RNF111: variants seen among roughly 807,000 people sequenced by gnomAD.
RNF111 encodes the protein E3 ubiquitin-protein ligase Arkadia.
RNF111 carries 17 observed loss-of-function variants against 95.1 expected under a neutral mutation model. The observed-to-expected ratio is 0.18, with a 90% CI of 0.12 to 0.27. The LOEUF (loss-of-function observed/expected upper bound fraction) is 0.27. Among genes scored for constraint, RNF111 ranks in the 10% least tolerant of loss-of-function variants. RNF111 has a pLI of 1.00. For missense variants in RNF111, 1,189 were observed against 1,210.4 expected, an observed-to-expected ratio of 0.98 and a Z score of 0.26; for synonymous variants, 440 against 414.8, an observed-to-expected ratio of 1.06 and a Z score of -0.74.
At chr15:59,080,762 A>T (rs543385727) in intron 7 of RNF111, among the ~76,000 whole-genome samples, 174 bp from the exon 8 acceptor site, 1 of 152,300 alleles carries the variant, frequency 6.6e-6, no homozygotes, top group East Asian at 1.9e-4. Context: ...GATATCCAAG[A>T]TTATTGTAAG....
Position 59,002,462 on chromosome 15 carries a change from A to C in RNF111, c.-20+14394A>C, listed in dbSNP as rs184588314. On this transcript the variant is annotated intron_variant, in intron 1 of 13. Transcript: ENST00000348370. ...GAAAATCTGCATGGTAAATACGGGA[A>C]GTACGGTTGAGTAACATATGTAATA... Among the ~76,000 whole-genome samples the C allele has an allele frequency of 1.5e-3, 226 of 152,262 alleles. 7 individuals carry two copies. The highest frequency in any genetic ancestry group is 0.013 in the Admixed American group (195 of 15,284).
intron 2 of RNF111, among the ~76,000 whole-genome samples, chr15:59,044,331 A>G (rs777301203): frequency 6.6e-6 from 1 of 152,188 alleles, no homozygotes; most frequent in Non-Finnish European, 1.5e-5. Context: ...ACGCCTGGCC[A>G]TGGAAACTCT....
chr15:59,081,308 A>G (rs2078735793), intron 8 of RNF111, 24 bp downstream of exon 8: 1 of 1,594,924 alleles, frequency 6.3e-7, no homozygotes, highest in Non-Finnish European at 8.6e-7. Flanking sequence ...TTTTAAAAAG[A>G]AAGTCAAGTT....
chr15:59,044,680 G>GT (rs1156905216), intron 2 of RNF111, among the ~76,000 whole-genome samples: 2 of 151,716 alleles, frequency 1.3e-5, no homozygotes, highest in African/African-American at 4.8e-5. Flanking sequence ...AGCCATACTC[G>GT]TTTTTTATCC....
intron 1 of RNF111, among the ~76,000 whole-genome samples, chr15:58,996,035 A>C (rs1789342124): frequency 6.6e-6 from 1 of 152,072 alleles, no homozygotes. Flanking sequence ...TTTATGAAGT[A>C]ATCACGTAAG....
At chr15:59,080,131 T>TTTA (rs1393173362) in intron 7 of RNF111, among the ~76,000 whole-genome samples, 1 of 143,696 alleles carries the variant, frequency 7.0e-6, no homozygotes, top group Admixed American at 7.0e-5. Flanking sequence ...TTTTTTTTTT[T>TTTA]TTTTTTTGAG....
At chr15:59,029,107 A>G (rs1229907491) in intron 1 of RNF111, among the ~76,000 whole-genome samples, 1 of 151,826 alleles carries the variant, frequency 6.6e-6, no homozygotes, top group Non-Finnish European at 1.5e-5. Flanking sequence ...GATCTGCTAG[A>G]CCGCTTCCCA....
In RNF111 at chr15:59,050,924, G is replaced by A. The variant is rs575923945; in HGVS notation, c.881-1381G>A. 1.4e-4 allele frequency among the ~76,000 whole-genome samples: 21 copies of A among 152,116 alleles called. No individual in the cohort carries two copies. In the South Asian group the frequency reaches 4.4e-3, roughly 32 times the overall value. On this transcript the variant is annotated intron_variant, in intron 2 of 13. Coordinates refer to ENST00000348370, the MANE Select transcript of RNF111 (RefSeq NM_017610.8). ...TAGAGGAGGTATCAAAAATTAATGG[G>A]GTAAAAAAGATTTTTCAATAAATGT...
intron 1 of RNF111, among the ~76,000 whole-genome samples, chr15:58,989,452 A>C (rs2038712225): frequency 6.6e-6 from 1 of 152,196 alleles, no homozygotes; most frequent in South Asian, 2.1e-4. Context: ...GGTGTTTATA[A>C]ATCTAAATAA....
chr15:59,029,207 A>T (rs1407374242), intron 1 of RNF111, among the ~76,000 whole-genome samples: 1 of 151,992 alleles, frequency 6.6e-6, no homozygotes, highest in Non-Finnish European at 1.5e-5. Context: ...ACTTGTTATT[A>T]CCTGTGTTCT....
intron 1 of RNF111, among the ~76,000 whole-genome samples, chr15:58,998,967 T>G (rs188003425): frequency 1.3e-5 from 2 of 152,340 alleles, no homozygotes; most frequent in Admixed American, 6.5e-5. Context: ...GAGCAGTTGT[T>G]TTTTCACTGA....
At chr15:59,009,230 A>G (rs961856163) in intron 1 of RNF111, among the ~76,000 whole-genome samples, 3 of 152,020 alleles carry the variant, frequency 2.0e-5, no homozygotes, top group Non-Finnish European at 4.4e-5. Flanking sequence ...AAGTGCTGGG[A>G]TTACAGGCGT....
chr15:59,035,187 T>C (rs1250439902), intron 2 of RNF111, among the ~76,000 whole-genome samples: 1 of 152,164 alleles, frequency 6.6e-6, no homozygotes, highest in African/African-American at 2.4e-5. Flanking sequence ...ATGAATTATG[T>C]CCACCTGGCC....
chr15:59,084,659 G>T (rs1222553310), intron 9 of RNF111, among the ~76,000 whole-genome samples: 1 of 151,838 alleles, frequency 6.6e-6, no homozygotes, highest in African/African-American at 2.4e-5. Context: ...TGAAATAAAC[G>T]GTACGTTATT....
chr15:59,041,171 C>A (rs981857479), intron 2 of RNF111, among the ~76,000 whole-genome samples: 6 of 152,164 alleles, frequency 3.9e-5, no homozygotes. Context: ...ATCATACTCC[C>A]TTGCATGGTT....
intron 1 of RNF111, chr15:58,988,406 G>A (rs2038662621): frequency 6.6e-6 from 1 of 152,616 alleles, no homozygotes; most frequent in African/African-American, 2.4e-5. Flanking sequence ...AGTGATGAAG[G>A]TAACCCGGAC....
intron 2 of RNF111, among the ~76,000 whole-genome samples, chr15:59,039,005 C>T (rs549235997): frequency 6.6e-6 from 1 of 152,264 alleles, no homozygotes; most frequent in South Asian, 2.1e-4. Context: ...ACTTTTGTTG[C>T]CCAGGCTGGA....
At position 59,007,885 on chromosome 15, in the gene RNF111, C is replaced by T. The variant is rs150215030; in HGVS notation, c.-20+19817C>T. 1.2e-4 allele frequency among the ~76,000 whole-genome samples: 18 copies of T among 152,138 alleles called. No individual in the cohort carries two copies. In the East Asian group the frequency reaches 3.5e-3, roughly 29 times the overall value. ...TTTTTTATATTCAGTATTCAAGTTA[C>T]GTATATGTGTTTGTATACACACACA... On this transcript the variant is annotated intron_variant, in intron 1 of 13. Transcript: ENST00000348370.
rs141908818 is a variant in RNF111, at chr15:59,086,957, G to A, written c.2550+1172G>A. The stretch of plus-strand genomic sequence containing the variant: ...CCAGTTAGGACATTATAGTAGAAGA[G>A]GTAAATATTGATGAATGCCTGAATG... On this transcript the variant is annotated intron_variant, in intron 10 of 13. Coordinates refer to ENST00000348370, the MANE Select transcript of RNF111 (RefSeq NM_017610.8). Among the ~76,000 whole-genome samples the A allele has an allele frequency of 3.7e-3, 562 of 152,300 alleles. 3 individuals are homozygous for A. Among genetic ancestry groups the A allele is most frequent in the African/African-American group, 0.013 (534 of 41,566 alleles).
Sources: gnomAD v4.1 joint callset for allele counts (sites outside exome capture counted in the v4.1 genomes callset) on GRCh38, gnomAD v4.1.1 for gene constraint, MANE v1.5 for transcripts, NCBI Gene and HGNC (gene_info 2026-07-23, HGNC 2026-07-21) for gene names.